Variants in MAN1A1 observed in about 807,000 individuals in gnomAD.
The protein encoded by MAN1A1 is mannosidase alpha class 1A member 1.
A neutral mutation model predicts 70.8 loss-of-function variants in MAN1A1; 29 were observed. The ratio of observed to expected loss-of-function variants is 0.41; its 90% CI spans 0.31 to 0.56. The LOEUF (loss-of-function observed/expected upper bound fraction) is 0.56, where lower values mean the gene tolerates loss of function less well. Ranked by LOEUF, MAN1A1 falls within the 20% of genes least tolerant of loss-of-function variation. The probability of loss-of-function intolerance (pLI) is 0.29; values close to 1 mark genes in which losing one functional copy is unlikely to be tolerated. For missense variants in MAN1A1, 747 were observed against 841.3 expected (o/e 0.89, Z 1.39); for synonymous variants, 349 against 330.1 (o/e 1.06, Z -0.62).
At chr6:119,304,065 C>T (rs1003404406) in intron 3 of MAN1A1, among the ~76,000 whole-genome samples, 8 of 148,678 alleles carry the variant, frequency 5.4e-5, no homozygotes, top group African/African-American at 2.0e-4. Flanking sequence ...TCTGGACGAT[C>T]CAAGACCAAA....
intron 4 of MAN1A1, 74 bp from the exon 5 acceptor site, chr6:119,290,837 A>C (rs1277432438): frequency 1.1e-6 from 1 of 932,194 alleles, no homozygotes; most frequent in Non-Finnish European, 1.7e-6. Context: ...AATTATACTA[A>C]ATACTTAAAT....
In MAN1A1 at chr6:119,290,679, T is replaced by C; in HGVS notation, c.897+4A>G. 6.2e-7 allele frequency: 1 copy of C among 1,601,666 alleles called. No individual in the cohort carries two copies. Among genetic ancestry groups the C allele is most frequent in the Non-Finnish European group, 8.5e-7 (1 of 1,172,432 alleles). On this transcript the variant is annotated splice_donor_region_variant and intron_variant, in intron 5 of 12. Transcript: ENST00000368468. ...TCACATTTATATACCACTTTTCATCTTACCTCTTCTCCAGACAGATAGTAG... is the reference window on the plus strand; with the variant it reads ...TCACATTTATATACCACTTTTCATCCTACCTCTTCTCCAGACAGATAGTAG...
At chr6:119,228,175 T>C (rs1279108315) in intron 6 of MAN1A1, among the ~76,000 whole-genome samples, 2 of 152,238 alleles carry the variant, frequency 1.3e-5, no homozygotes, top group Non-Finnish European at 2.9e-5. Flanking sequence ...TACAGTTTTG[T>C]AGTAATTACT....
chr6:119,302,594 A>G (rs1772420611), intron 3 of MAN1A1, among the ~76,000 whole-genome samples: 1 of 151,940 alleles, frequency 6.6e-6, no homozygotes, highest in African/African-American at 2.4e-5. Context: ...GTTGGCCAGA[A>G]TGGTCTCAAT....
intron 3 of MAN1A1, among the ~76,000 whole-genome samples, chr6:119,305,025 C>T (rs1772490693): frequency 1.3e-5 from 2 of 151,998 alleles, no homozygotes; most frequent in South Asian, 2.1e-4. Context: ...ATAAGAAAAT[C>T]ATTATGTATC....
At chr6:119,215,053 G>T (rs912266015) in intron 6 of MAN1A1, among the ~76,000 whole-genome samples, 1 of 151,376 alleles carries the variant, frequency 6.6e-6, no homozygotes, top group African/African-American at 2.4e-5. Flanking sequence ...CTGTTGTGGG[G>T]TGGGGGGAAG....
chr6:119,349,090 C>A lies in MAN1A1; in HGVS notation c.-25G>T. 7.9e-7 allele frequency: 1 copy of A among 1,273,652 alleles called. No homozygotes were observed. The allele number at this position is 1,273,652 out of a possible 1,614,324, so 78.9% of individuals were successfully genotyped here. A position where few individuals can be genotyped will look rare whatever the true frequency, so the allele number is the denominator to read the frequency against. ...TCGCTCCCGCTGTCCAGTGGTCCGG[C>A]GCCGCGCCGCTCAGCAGCCAAACTT... On this transcript the variant is annotated 5_prime_UTR_variant, in exon 2 of 13. Coordinates refer to ENST00000368468, the MANE Select transcript of MAN1A1 (RefSeq NM_005907.4).
rs564033916 is a variant in MAN1A1, at chr6:119,214,378, T to G, written c.993-9496A>C. Among the ~76,000 whole-genome samples, 3 of 152,302 alleles carry G rather than the reference T, an allele frequency of 2.0e-5. No homozygotes were observed. The East Asian group carries it at 5.8e-4, about 29-fold the overall frequency. ...TTAAAAAATGTTTCAAAGAACAAAG[T>G]AACTGGCTGATAGTAAAACTACATA... On this transcript the variant is annotated intron_variant, in intron 6 of 12. Coordinates refer to ENST00000368468, the MANE Select transcript of MAN1A1 (RefSeq NM_005907.4).
At chr6:119,217,249 A>G (rs1399271422) in intron 6 of MAN1A1, among the ~76,000 whole-genome samples, 3 of 152,086 alleles carry the variant, frequency 2.0e-5, no homozygotes, top group Non-Finnish European at 4.4e-5. Flanking sequence ...TTTAATCATA[A>G]GCTTCCAGTG....
At chr6:119,260,867 G>A (rs1253134457) in intron 5 of MAN1A1, among the ~76,000 whole-genome samples, 2 of 151,848 alleles carry the variant, frequency 1.3e-5, no homozygotes, top group Admixed American at 6.6e-5. Context: ...GAAATAGTTT[G>A]GCAGGCAAAT....
intron 2 of MAN1A1, among the ~76,000 whole-genome samples, chr6:119,348,197 ATAC>A (rs1219500745): frequency 2.0e-5 from 3 of 152,192 alleles, no homozygotes; most frequent in Non-Finnish European, 4.4e-5. Context: ...CCATGTATTT[ATAC>A]CCACCTCGTG....
At chr6:119,201,787 C>T (rs1773718139) in intron 7 of MAN1A1, among the ~76,000 whole-genome samples, 1 of 152,138 alleles carries the variant, frequency 6.6e-6, no homozygotes, top group South Asian at 2.1e-4. Context: ...GCATATGTTA[C>T]TGTACTGAAG....
chr6:119,184,860 A>G (rs1025802082), intron 11 of MAN1A1, among the ~76,000 whole-genome samples: 1 of 152,146 alleles, frequency 6.6e-6, no homozygotes, highest in Non-Finnish European at 1.5e-5. Flanking sequence ...CAGATGTTTA[A>G]ATGGAAGGAA....
chr6:119,247,662 T>C (rs1463508116), intron 6 of MAN1A1, among the ~76,000 whole-genome samples: 4 of 152,094 alleles, frequency 2.6e-5, no homozygotes, highest in African/African-American at 7.2e-5. Context: ...CTTTTCCAAT[T>C]GGAGCCACAT....
intron 2 of MAN1A1, among the ~76,000 whole-genome samples, chr6:119,308,522 T>C (rs956654341): frequency 2.6e-5 from 4 of 152,164 alleles, no homozygotes; most frequent in African/African-American, 9.6e-5. Flanking sequence ...TCTGAAAATT[T>C]GGGATAATTC....
chr6:119,217,342 C>T (rs929085499), intron 6 of MAN1A1, among the ~76,000 whole-genome samples: 4 of 152,086 alleles, frequency 2.6e-5, no homozygotes, highest in Non-Finnish European at 5.9e-5. Context: ...AGTGCAGTGG[C>T]CCAGTTTCGG....
At position 119,237,257 on chromosome 6, in the gene MAN1A1, T is replaced by C. The variant is rs555295383; in HGVS notation, c.992+11003A>G. 3.9e-5 allele frequency among the ~76,000 whole-genome samples: 6 copies of C among 152,296 alleles called. No homozygotes were observed. In the East Asian group the frequency reaches 1.2e-3, roughly 29 times the overall value. On this transcript the variant is annotated intron_variant, in intron 6 of 12. Coordinates refer to ENST00000368468, the MANE Select transcript of MAN1A1 (RefSeq NM_005907.4). The stretch of plus-strand genomic sequence containing the variant: ...AGGGTTTGAGAAGACTGACTCCAAA[T>C]TGGAAAGAAGTTTTACCGTGTGGAA...
At chr6:119,290,148 ATAAT>A (rs1408244051) in intron 5 of MAN1A1, among the ~76,000 whole-genome samples, 3 of 152,018 alleles carry the variant, frequency 2.0e-5, no homozygotes, top group African/African-American at 7.2e-5. Context: ...CAAGCAGTGG[ATAAT>A]TAATGAAGCC....
At chr6:119,304,029 C>G (rs1562234189) in intron 3 of MAN1A1, among the ~76,000 whole-genome samples, 1 of 152,210 alleles carries the variant, frequency 6.6e-6, no homozygotes, top group Non-Finnish European at 1.5e-5. Context: ...AGACTGGGCA[C>G]TACACTTCCT....
Sources: allele counts gnomAD v4.1 joint callset (sites outside exome capture counted in the v4.1 genomes callset), GRCh38; gene constraint gnomAD v4.1.1; transcripts MANE v1.5; gene names NCBI Gene and HGNC (gene_info 2026-07-23, HGNC 2026-07-21).